Variants in EYA2 observed in about 807,000 individuals in gnomAD.
The protein encoded by EYA2 is protein phosphatase EYA2.
Under a neutral mutation model 69.2 loss-of-function variants are expected in EYA2, and 31 were observed. The observed-to-expected ratio is 0.45, with a 90% CI of 0.34 to 0.60. The LOEUF is 0.60. Ranked by LOEUF, EYA2 falls within the 20% of genes least tolerant of loss-of-function variation. The pLI is 0.02. For missense variants in EYA2, 622 were observed against 701.2 expected, an observed-to-expected ratio of 0.89 and a Z score of 1.28; for synonymous variants, 257 against 279.4, an observed-to-expected ratio of 0.92 and a Z score of 0.80.
intron 7 of EYA2, among the ~76,000 whole-genome samples, chr20:47,077,273 A>G (rs921023208): frequency 2.0e-5 from 3 of 152,238 alleles, no homozygotes; most frequent in Non-Finnish European, 4.4e-5. Context: ...AGTATGTAAC[A>G]TCCCTATGCA....
chr20:46,983,030 C>T (rs1980940603), intron 1 of EYA2, among the ~76,000 whole-genome samples: 1 of 152,094 alleles, frequency 6.6e-6, no homozygotes, highest in Non-Finnish European at 1.5e-5. Flanking sequence ...GCCTTGGACT[C>T]CCAAAGTGCT....
intron 1 of EYA2, among the ~76,000 whole-genome samples, chr20:46,981,437 A>T (rs77888119): frequency 0.012 from 1,851 of 152,292 alleles, 53 homozygotes; most frequent in African/African-American, 0.042. Flanking sequence ...AGTCAGGGTC[A>T]TGTTTACTTT....
chr20:46,972,851 C>T (rs138377546), intron 1 of EYA2, among the ~76,000 whole-genome samples: 1 of 152,336 alleles, frequency 6.6e-6, no homozygotes, highest in African/African-American at 2.4e-5. Context: ...AGAATTTTGA[C>T]AGCAACTTTC....
At chr20:46,989,035 G>C (rs1170424620) in intron 1 of EYA2, among the ~76,000 whole-genome samples, 2 of 151,996 alleles carry the variant, frequency 1.3e-5, no homozygotes, top group East Asian at 3.9e-4. Flanking sequence ...TACCAACATG[G>C]TGCAAGAATT....
intron 4 of EYA2, among the ~76,000 whole-genome samples, chr20:47,006,341 G>A (rs776739731): frequency 2.0e-5 from 3 of 152,204 alleles, no homozygotes; most frequent in African/African-American, 4.8e-5. Flanking sequence ...AAAGGAGAAG[G>A]AGGCAGGAAG....
At chr20:46,938,083 A>C (rs1568676098) in intron 1 of EYA2, among the ~76,000 whole-genome samples, 1 of 152,238 alleles carries the variant, frequency 6.6e-6, no homozygotes, top group East Asian at 1.9e-4. Flanking sequence ...TGGTAAATAA[A>C]GTCCAGATTC....
At chr20:47,069,658 C>T (rs200688515) in intron 5 of EYA2, among the ~76,000 whole-genome samples, 1 of 151,918 alleles carries the variant, frequency 6.6e-6, no homozygotes, top group South Asian at 2.1e-4. Context: ...ATGGATACCC[C>T]TTCTCCATGA....
intron 1 of EYA2, among the ~76,000 whole-genome samples, chr20:46,974,269 A>G (rs1163827789): frequency 6.6e-6 from 1 of 152,252 alleles, no homozygotes; most frequent in Non-Finnish European, 1.5e-5. Flanking sequence ...ATTTGGACCA[A>G]GTGAAGATAT....
chr20:47,110,189 C>T (rs1453733868), intron 9 of EYA2, among the ~76,000 whole-genome samples: 1 of 152,224 alleles, frequency 6.6e-6, no homozygotes, highest in African/African-American at 2.4e-5. Context: ...TAGTCAAGGT[C>T]ACCCAGCTTA....
chr20:46,989,889 C>A, intron 1 of EYA2, 112 bp from the exon 2 acceptor site: 1 of 537,154 alleles, frequency 1.9e-6, no homozygotes, highest in Non-Finnish European at 3.5e-6. Context: ...TATAAGAAGT[C>A]TGGGTTTAGG....
intron 1 of EYA2, among the ~76,000 whole-genome samples, chr20:46,961,583 C>T (rs559146363): frequency 6.6e-5 from 10 of 152,258 alleles, no homozygotes; most frequent in South Asian, 4.1e-4. Flanking sequence ...TTCATTGCAA[C>T]GCTATTCACA....
intron 1 of EYA2, among the ~76,000 whole-genome samples, chr20:46,905,654 A>G (rs1414672421): frequency 6.6e-6 from 1 of 152,204 alleles, no homozygotes; most frequent in Non-Finnish European, 1.5e-5. Context: ...ATGGTGTGGG[A>G]CCATGAGACA....
chr20:47,090,863 A>T (rs990239133), intron 8 of EYA2, among the ~76,000 whole-genome samples: 5 of 152,204 alleles, frequency 3.3e-5, no homozygotes, highest in African/African-American at 1.2e-4. Flanking sequence ...CAGTAGAAAT[A>T]GGCAAAATGG....
chr20:47,038,970 T>G (rs1043519910), intron 5 of EYA2, among the ~76,000 whole-genome samples: 5 of 152,122 alleles, frequency 3.3e-5, no homozygotes, highest in African/African-American at 1.2e-4. Context: ...GAGATGAACT[T>G]AGCCTTTTAG....
intron 5 of EYA2, among the ~76,000 whole-genome samples, chr20:47,045,331 G>A (rs542778554): frequency 6.6e-6 from 1 of 152,260 alleles, no homozygotes; most frequent in South Asian, 2.1e-4. Flanking sequence ...CATAGTACTG[G>A]GTTCTAAGGA....
At chr20:47,103,570 C>A (rs2032489106) in intron 9 of EYA2, among the ~76,000 whole-genome samples, 1 of 152,302 alleles carries the variant, frequency 6.6e-6, no homozygotes, top group African/African-American at 2.4e-5. Flanking sequence ...GAAGAGGAAG[C>A]AAACACTTCC....
intron 1 of EYA2, among the ~76,000 whole-genome samples, chr20:46,899,203 T>A (rs1263067041): frequency 6.6e-6 from 1 of 152,254 alleles, no homozygotes; most frequent in Admixed American, 6.5e-5. Context: ...CTTATCCATG[T>A]GCAATACAAG....
intron 5 of EYA2, among the ~76,000 whole-genome samples, chr20:47,017,795 A>C (rs1983501651): frequency 6.6e-6 from 1 of 152,188 alleles, no homozygotes; most frequent in Non-Finnish European, 1.5e-5. Flanking sequence ...ACAGAAGAGG[A>C]AACTGAGGCA....
chr20:46,918,929 G>T (rs972189660), intron 1 of EYA2, among the ~76,000 whole-genome samples: 2 of 152,220 alleles, frequency 1.3e-5, no homozygotes, highest in African/African-American at 4.8e-5. Flanking sequence ...CTGTGTTAGT[G>T]GGCGTGAAGA....
Sources: allele counts gnomAD v4.1 joint callset (sites outside exome capture counted in the v4.1 genomes callset), GRCh38; gene constraint gnomAD v4.1.1; transcripts MANE v1.5; gene names NCBI Gene and HGNC (gene_info 2026-07-23, HGNC 2026-07-21).